The following GARRE1 variants were observed in gnomAD, a reference collection of about 807,000 sequenced individuals.
The protein encoded by GARRE1 is granule associated Rac and RHOG effector 1, also known as granule associated Rac and RHOG effector protein 1.
In GARRE1, 49 loss-of-function variants were observed where a neutral mutation model predicts 103.2. The ratio of observed to expected loss-of-function variants is 0.47; its 90% CI spans 0.38 to 0.60. The LOEUF is 0.60. Ranked by LOEUF, GARRE1 falls within the 20% of genes least tolerant of loss-of-function variation. The pLI is 0.00. For missense variants in GARRE1, 1,199 were observed against 1,370.5 expected (o/e 0.87, Z 1.98); for synonymous variants, 505 against 532.8 (o/e 0.95, Z 0.72).
chr19:34,289,722 CA>C (rs35728238), intron 1 of GARRE1, among the ~76,000 whole-genome samples: 17,068 of 141,916 alleles, frequency 0.12, 1,241 homozygotes, highest in African/African-American at 0.21. Flanking sequence ...GACTCTGTCT[CA>C]AAAAAAAAAA....
chr19:34,333,415 T>G (rs1156249506), intron 7 of GARRE1, among the ~76,000 whole-genome samples: 3 of 152,204 alleles, frequency 2.0e-5, no homozygotes, highest in Non-Finnish European at 1.5e-5. Context: ...AGGACGCAAA[T>G]TAATTCCTAA....
rs1005975585 is a variant in GARRE1, at chr19:34,292,803, C to T, written c.-795-6876C>T. On this transcript the variant is annotated intron_variant, in intron 1 of 13. Transcript: ENST00000299505. Reference sequence around the variant, plus strand: ...AGGGTGGAATGCAGTGGCGTGATCTCGGCTCACTGCAAGGCTCCGCCTTCC... The same window carrying T: ...AGGGTGGAATGCAGTGGCGTGATCTTGGCTCACTGCAAGGCTCCGCCTTCC... 7.1e-4 allele frequency among the ~76,000 whole-genome samples: 108 copies of T among 151,444 alleles called. 2 individuals are homozygous for T. Among genetic ancestry groups the T allele is most frequent in the Non-Finnish European group, 2.2e-4 (15 of 67,930 alleles).
chr19:34,270,592 A>AC (rs1488730492), intron 1 of GARRE1, among the ~76,000 whole-genome samples: 1 of 152,050 alleles, frequency 6.6e-6, no homozygotes, highest in Non-Finnish European at 1.5e-5. Flanking sequence ...CAGATCTTTG[A>AC]GGGGGGCCTC....
intron 1 of GARRE1, among the ~76,000 whole-genome samples, chr19:34,260,146 C>G (rs904816592): frequency 2.0e-5 from 3 of 152,228 alleles, no homozygotes; most frequent in African/African-American, 7.2e-5. Context: ...CTTTAGCACC[C>G]ACACTCTGAT....
At position 34,320,042 on chromosome 19, in the gene GARRE1, G is replaced by T; in HGVS notation, c.631G>T (p.Gly211Cys). The T allele has an allele frequency of 6.2e-7, 1 of 1,614,256 alleles. No individual in the cohort carries two copies. The highest frequency in any genetic ancestry group is 8.5e-7 in the Non-Finnish European group (1 of 1,180,050). Reference sequence around the variant, plus strand: ...GCCAGAAAAAAAGAACAGCGGCAGTGGCGGCGGCTTATCTGGCATGGGCCA... The same window carrying T: ...GCCAGAAAAAAAGAACAGCGGCAGTTGCGGCGGCTTATCTGGCATGGGCCA... The part of the protein sequence containing the change: ...IVPEKKNSGS[G>C]GGLSGMGHTP... The change falls in exon 3 of 14, where the codon GGC (glycine) becomes TGC (cysteine). Residue 211 changes from glycine (G) to cysteine (C), a missense_variant. Gly to Cys is a radical substitution (Grantham distance 159, BLOSUM62 -3). Coordinates refer to ENST00000299505, the MANE Select transcript of GARRE1 (RefSeq NM_014686.5).
intron 1 of GARRE1, among the ~76,000 whole-genome samples, chr19:34,283,866 C>G (rs1342886775): frequency 2.2e-5 from 3 of 134,874 alleles, no homozygotes; most frequent in Non-Finnish European, 3.0e-5. Context: ...GAGTCTCACT[C>G]TGTCACCCAG....
chr19:34,281,558 G>A (rs983631045), intron 1 of GARRE1, among the ~76,000 whole-genome samples: 2 of 152,128 alleles, frequency 1.3e-5, no homozygotes, highest in African/African-American at 2.4e-5. Context: ...CAAAGTGCTA[G>A]GATTACAGTC....
At chr19:34,330,149 T>C in intron 6 of GARRE1, 40 bp from the exon 7 acceptor site, 1 of 1,577,898 alleles carries the variant, frequency 6.3e-7, no homozygotes, top group Non-Finnish European at 8.7e-7. Flanking sequence ...CTTGCATGGC[T>C]TTGTCTTGAG....
intron 1 of GARRE1, among the ~76,000 whole-genome samples, chr19:34,294,057 C>T (rs906398181): frequency 2.0e-5 from 3 of 151,902 alleles, no homozygotes; most frequent in Admixed American, 1.3e-4. Flanking sequence ...CCACTGTGCC[C>T]GGTTGCATAA....
intron 6 of GARRE1, 125 bp from the exon 7 acceptor site, chr19:34,330,064 G>A (rs1215122177): frequency 4.7e-5 from 41 of 880,978 alleles, no homozygotes; most frequent in Non-Finnish European, 1.9e-5. Context: ...CAGCTTGGAC[G>A]ATAGAAAAAT....
chr19:34,341,623 C>T lies in GARRE1; in HGVS notation c.1689C>T (p.Thr563=), dbSNP rs777370757. 6 of 1,613,970 alleles carry T rather than the reference C, an allele frequency of 3.7e-6. No individual in the cohort carries two copies. The highest frequency in any genetic ancestry group is 1.3e-5 in the African/African-American group (1 of 74,898). ...GCACAAATTATTCCATCCAAAATAC[C>T]CCTTCCAAAAACATCTTCATAGCTG... ...SSSTNYSIQN[T]PSKNIFIAGC... The change falls in exon 10 of 14, where the codon ACC becomes ACT. Residue 563 remains threonine, a synonymous_variant. Transcript: ENST00000299505.
chr19:34,289,465 G>C (rs1016874760), intron 1 of GARRE1, among the ~76,000 whole-genome samples: 3 of 151,386 alleles, frequency 2.0e-5, no homozygotes, highest in Non-Finnish European at 4.4e-5. Context: ...GGTGGCTCAT[G>C]CCTGTAATCC....
At chr19:34,334,301 A>G (rs1382390769) in intron 8 of GARRE1, among the ~76,000 whole-genome samples, 1 of 152,066 alleles carries the variant, frequency 6.6e-6, no homozygotes, top group Non-Finnish European at 1.5e-5. Flanking sequence ...GATTATTCTT[A>G]ATTTATTTTT....
rs72121022 is a variant in GARRE1, at chr19:34,352,969, AGCCTGCCT to A, written c.*30_*37del. The A allele has an allele frequency of 0.38, 567,379 of 1,487,850 alleles. 123,188 individuals are homozygous for A. Among genetic ancestry groups the A allele is most frequent in the African/African-American group, 0.83 (59,610 of 71,742 alleles). 92.2% of individuals were successfully genotyped at this position (1,487,850 alleles called of 1,614,324 possible). On this transcript the variant is annotated 3_prime_UTR_variant, in exon 14 of 14. Coordinates refer to ENST00000299505, the MANE Select transcript of GARRE1 (RefSeq NM_014686.5). The stretch of plus-strand genomic sequence containing the variant: ...CCCCAGTACTGACCCCAGGCCAGCC[AGCCTGCCT>A]GCCTGCCTGCCTGCCCGCCCAGAGC...
intron 7 of GARRE1, 107 bp from the exon 8 acceptor site, chr19:34,333,597 G>A: frequency 1.4e-6 from 1 of 703,902 alleles, no homozygotes. Context: ...TAGGCTGCTA[G>A]GGGAATAGTT....
chr19:34,287,722 C>T (rs2073895488), intron 1 of GARRE1, among the ~76,000 whole-genome samples: 1 of 152,140 alleles, frequency 6.6e-6, no homozygotes, highest in Non-Finnish European at 1.5e-5. Flanking sequence ...GTCAGGTTCT[C>T]ATGAGAACCC....
chr19:34,335,573 T>C (rs555752478), intron 8 of GARRE1, among the ~76,000 whole-genome samples: 4 of 152,262 alleles, frequency 2.6e-5, no homozygotes, highest in Admixed American at 6.5e-5. Context: ...TCGCCCAGGC[T>C]GGAGTGCAGT....
chr19:34,347,165 T>C (rs1193770092), intron 10 of GARRE1, among the ~76,000 whole-genome samples: 2 of 151,890 alleles, frequency 1.3e-5, no homozygotes, highest in African/African-American at 4.8e-5. Flanking sequence ...CTCAGCTCAC[T>C]GCGACCTCTG....
intron 2 of GARRE1, among the ~76,000 whole-genome samples, chr19:34,311,232 C>G (rs2074034890): frequency 6.6e-6 from 1 of 152,128 alleles, no homozygotes; most frequent in Non-Finnish European, 1.5e-5. Flanking sequence ...AACAAACTCT[C>G]ATTTTGTTTT....
Sources: gnomAD v4.1 joint callset for allele counts (sites outside exome capture counted in the v4.1 genomes callset) on GRCh38, gnomAD v4.1.1 for gene constraint, MANE v1.5 for transcripts, NCBI Gene and HGNC (gene_info 2026-07-23, HGNC 2026-07-21) for gene names.